Variants in PVT1 observed in about 807,000 individuals in gnomAD.
The protein encoded by PVT1 is Pvt1 oncogene, also known as CXCR4/PVT1 fusion.
At chr8:127,949,108 C>T (rs1405939716) in intron 3 of PVT1, among the ~76,000 whole-genome samples, 1 of 152,124 alleles carries the variant, frequency 6.6e-6, no homozygotes, top group African/African-American at 2.4e-5. Flanking sequence ...TCCCATTTTA[C>T]AGGTGAGGAG....
chr8:127,816,500 A>C (rs1270765223), intron 2 of PVT1, among the ~76,000 whole-genome samples: 18 of 148,680 alleles, frequency 1.2e-4, no homozygotes, highest in Non-Finnish European at 2.2e-4. Context: ...AAAAAAAAAA[A>C]CCCATGCGTA....
chr8:127,928,481 C>A (rs914507561), intron 3 of PVT1, among the ~76,000 whole-genome samples: 7 of 152,216 alleles, frequency 4.6e-5, no homozygotes, highest in Non-Finnish European at 1.0e-4. Context: ...CTGCTCTGCT[C>A]TGCCAGAGCT....
At chr8:127,930,922 G>T (rs970100131) in intron 3 of PVT1, among the ~76,000 whole-genome samples, 1 of 152,076 alleles carries the variant, frequency 6.6e-6, no homozygotes, top group African/African-American at 2.4e-5. Context: ...TGTTGTTGCT[G>T]TTGTTTTTGA....
intron 2 of PVT1, among the ~76,000 whole-genome samples, chr8:127,841,284 T>A (rs996994728): frequency 3.3e-5 from 5 of 152,210 alleles, no homozygotes; most frequent in African/African-American, 1.2e-4. Context: ...TTTATTTTTT[T>A]ATTTTTCTTG....
At chr8:128,044,067 G>GTC (rs1813583109) in intron 4 of PVT1, among the ~76,000 whole-genome samples, 1 of 144,514 alleles carries the variant, frequency 6.9e-6, no homozygotes, top group Non-Finnish European at 1.5e-5. Flanking sequence ...TCAGGCTGGT[G>GTC]TCAACCTCCT....
chr8:127,931,967 T>C (rs1249746853), intron 3 of PVT1, among the ~76,000 whole-genome samples: 1 of 152,232 alleles, frequency 6.6e-6, no homozygotes, highest in Admixed American at 6.5e-5. Context: ...GGTTACTCAT[T>C]TCCTCTGGAA....
At chr8:127,916,035 C>T (rs1253516316) in intron 3 of PVT1, among the ~76,000 whole-genome samples, 1 of 152,234 alleles carries the variant, frequency 6.6e-6, no homozygotes. Context: ...ATCCCACTTA[C>T]AGGGGGGCAA....
At chr8:127,796,690 G>A (rs958799607) in intron 2 of PVT1, among the ~76,000 whole-genome samples, 1 of 152,138 alleles carries the variant, frequency 6.6e-6, no homozygotes, top group African/African-American at 2.4e-5. Flanking sequence ...AATATCTGGG[G>A]GAAGTGGAAG....
At chr8:127,814,068 C>A (rs1452340196) in intron 2 of PVT1, among the ~76,000 whole-genome samples, 1 of 152,224 alleles carries the variant, frequency 6.6e-6, no homozygotes, top group Non-Finnish European at 1.5e-5. Flanking sequence ...CAGGCATGAA[C>A]CACCGCCCCC....
intron 3 of PVT1, among the ~76,000 whole-genome samples, chr8:127,917,560 A>T (rs1167762331): frequency 6.6e-6 from 1 of 152,226 alleles, no homozygotes; most frequent in Non-Finnish European, 1.5e-5. Flanking sequence ...TATGATGTGG[A>T]GTTCTCAATT....
intron 2 of PVT1, among the ~76,000 whole-genome samples, chr8:127,846,885 G>C (rs1238627877): frequency 6.7e-6 from 1 of 149,244 alleles, no homozygotes; most frequent in Non-Finnish European, 1.5e-5. Flanking sequence ...TTCGCCATTT[G>C]GGACAGGCTG....
intron 4 of PVT1, among the ~76,000 whole-genome samples, chr8:128,012,882 TG>T (rs887257851): frequency 3.0e-4 from 46 of 152,302 alleles, no homozygotes; most frequent in African/African-American, 1.0e-3. Flanking sequence ...GAGAGGGATC[TG>T]GGCTTTGGTG....
intron 4 of PVT1, among the ~76,000 whole-genome samples, chr8:127,995,588 G>A (rs80317848): frequency 0.019 from 2,925 of 152,236 alleles, 41 homozygotes; most frequent in South Asian, 0.034. Context: ...ATTAAGCACC[G>A]CTAATAAAGT....
intron 3 of PVT1, among the ~76,000 whole-genome samples, chr8:127,964,551 C>T (rs1268316732): frequency 6.6e-6 from 1 of 152,132 alleles, no homozygotes; most frequent in Admixed American, 6.5e-5. Flanking sequence ...CTTAAAACAA[C>T]AGAAATTTAT....
intron 4 of PVT1, among the ~76,000 whole-genome samples, chr8:128,021,290 CT>C (rs11438511): frequency 3.8e-4 from 31 of 81,136 alleles, no homozygotes; most frequent in Admixed American, 1.7e-3. Flanking sequence ...AGGACTTGTG[CT>C]TTTTTTTTTT....
chr8:127,878,141 C>T (rs1020186317), intron 2 of PVT1, among the ~76,000 whole-genome samples: 110 of 152,160 alleles, frequency 7.2e-4, no homozygotes, highest in African/African-American at 2.6e-3. Flanking sequence ...GCTGACCTTT[C>T]CCTGAGGGAT....
chr8:127,807,844 C>T (rs577482681), intron 2 of PVT1, among the ~76,000 whole-genome samples: 23 of 151,060 alleles, frequency 1.5e-4, no homozygotes, highest in Non-Finnish European at 2.1e-4. Flanking sequence ...CTCGGCTCAC[C>T]GCAAGCTCCG....
chr8:127,802,553 A>C (rs1392436550), intron 2 of PVT1, among the ~76,000 whole-genome samples: 1 of 151,548 alleles, frequency 6.6e-6, no homozygotes, highest in African/African-American at 2.4e-5. Flanking sequence ...TGTTAATTAC[A>C]TATTGAACTG....
intron 6 of PVT1, among the ~76,000 whole-genome samples, chr8:128,097,096 C>T (rs1294266205): frequency 6.6e-6 from 1 of 152,244 alleles, no homozygotes; most frequent in African/African-American, 2.4e-5. Flanking sequence ...TACAGTGGCT[C>T]ACACCTGTAA....
Sources: allele counts gnomAD v4.1 joint callset (sites outside exome capture counted in the v4.1 genomes callset), GRCh38; gene constraint gnomAD v4.1.1; transcripts MANE v1.5; gene names NCBI Gene and HGNC (gene_info 2026-07-23, HGNC 2026-07-21).